The following FAM24B variants were observed in gnomAD, a reference collection of about 807,000 sequenced individuals.
FAM24B encodes family with sequence similarity 24 member B, also known as protein FAM24B.
In FAM24B, 3 loss-of-function variants were observed where a neutral mutation model predicts 2.3. That is an observed-to-expected ratio of 1.29 (90% CI 0.59 to 3.32). FAM24B has a LOEUF of 3.32. FAM24B is among the 30% of genes most tolerant of loss of function. The probability of loss-of-function intolerance (pLI) is 0.03; values close to 1 mark genes in which losing one functional copy is unlikely to be tolerated. For missense variants in FAM24B, 98 were observed against 117.2 expected (o/e 0.84, Z 0.76); for synonymous variants, 36 against 46.3 (o/e 0.78, Z 0.90).
At position 122,849,514 on chromosome 10, in the gene FAM24B, T is replaced by C. The variant is rs560862777; in HGVS notation, c.93-75A>G. On this transcript the variant is annotated intron_variant, in intron 3 of 3. Transcript: ENST00000368898. ...CCCTTTTGTTAGAACTGTTGGGGGG[T>C]ATCTGGGGAGTTTAGTGCTGAAGCC... 19 of 1,381,844 alleles carry C rather than the reference T, an allele frequency of 1.4e-5. No homozygotes were observed. The East Asian group carries it at 3.4e-4, about 25-fold the overall frequency. The allele number at this position is 1,381,844 out of a possible 1,614,324, so 85.6% of individuals were successfully genotyped here.
chr10:122,854,484 T>C (rs1847602308), intron 2 of FAM24B, among the ~76,000 whole-genome samples: 4 of 152,222 alleles, frequency 2.6e-5, no homozygotes, highest in Admixed American at 2.6e-4. Context: ...AATGATGTGT[T>C]GTTCCCCATT....
At chr10:122,870,506 T>A (rs1589676469) in intron 1 of FAM24B, among the ~76,000 whole-genome samples, 1 of 152,146 alleles carries the variant, frequency 6.6e-6, no homozygotes, top group East Asian at 1.9e-4. Context: ...TAGACCAATA[T>A]CCTTGATGAA....
At chr10:122,853,349 C>G (rs1245212642) in intron 2 of FAM24B, among the ~76,000 whole-genome samples, 1 of 152,140 alleles carries the variant, frequency 6.6e-6, no homozygotes, top group Non-Finnish European at 1.5e-5. Flanking sequence ...CATATCTCAA[C>G]ATAACATCTT....
chr10:122,870,945 G>A (rs1029622941), intron 1 of FAM24B, among the ~76,000 whole-genome samples: 2 of 152,116 alleles, frequency 1.3e-5, no homozygotes, highest in African/African-American at 4.8e-5. Context: ...GGGCAATCAG[G>A]CAGAAGAAGG....
intron 1 of FAM24B, among the ~76,000 whole-genome samples, chr10:122,856,788 C>T (rs932342525): frequency 6.6e-6 from 1 of 152,144 alleles, no homozygotes; most frequent in Non-Finnish European, 1.5e-5. Flanking sequence ...GAGATGTAGA[C>T]AGTGATTACA....
At chr10:122,865,254 G>C (rs1847785345) in intron 1 of FAM24B, among the ~76,000 whole-genome samples, 1 of 152,154 alleles carries the variant, frequency 6.6e-6, no homozygotes, top group African/African-American at 2.4e-5. Flanking sequence ...TAGGTTGTTT[G>C]TACATGTTCT....
chr10:122,865,996 G>C (rs576243857), intron 1 of FAM24B, among the ~76,000 whole-genome samples: 1 of 151,210 alleles, frequency 6.6e-6, no homozygotes, highest in African/African-American at 2.4e-5. Context: ...TCTGCCTCCC[G>C]GGTTCAAGCG....
chr10:122,863,712 C>T (rs1847759425), intron 1 of FAM24B, among the ~76,000 whole-genome samples: 2 of 152,220 alleles, frequency 1.3e-5, no homozygotes, highest in Admixed American at 6.5e-5. Context: ...AACTTCATTA[C>T]CATCCATAGG....
chr10:122,858,087 T>C (rs1847667360), intron 1 of FAM24B, among the ~76,000 whole-genome samples: 1 of 152,204 alleles, frequency 6.6e-6, no homozygotes, highest in South Asian at 2.1e-4. Flanking sequence ...CATGCTGCTA[T>C]AAAGACACAT....
chr10:122,866,064 C>T (rs946975284), intron 1 of FAM24B, among the ~76,000 whole-genome samples: 3 of 151,712 alleles, frequency 2.0e-5, no homozygotes, highest in East Asian at 3.9e-4. Flanking sequence ...CACCACACCT[C>T]GTTAGTTTTT....
intron 1 of FAM24B, among the ~76,000 whole-genome samples, chr10:122,874,323 T>C (rs1193621055): frequency 6.6e-6 from 1 of 152,248 alleles, no homozygotes; most frequent in Admixed American, 6.5e-5. Flanking sequence ...TTAAGGATTT[T>C]ATTTTGCCTT....
At chr10:122,878,456 C>T (rs1160787796) in intron 1 of FAM24B, among the ~76,000 whole-genome samples, 2 of 151,254 alleles carry the variant, frequency 1.3e-5, no homozygotes, top group Non-Finnish European at 2.9e-5. Context: ...TCGCTTGAAC[C>T]CAAGAGGCGG....
At chr10:122,855,908 T>C (rs1259154632) in intron 1 of FAM24B, 122 bp from the exon 2 acceptor site, 1 of 152,234 alleles carries the variant, frequency 6.6e-6, no homozygotes, top group Non-Finnish European at 1.5e-5. Context: ...GCTAACATGC[T>C]GAGTTAAACA....
intron 1 of FAM24B, among the ~76,000 whole-genome samples, chr10:122,862,152 C>CT (rs1398729939): frequency 4.6e-5 from 7 of 152,216 alleles, no homozygotes; most frequent in Non-Finnish European, 8.8e-5. Flanking sequence ...GTGCATTCCT[C>CT]TTTATGTCTT....
intron 1 of FAM24B, among the ~76,000 whole-genome samples, chr10:122,870,695 A>G (rs1004983302): frequency 7.2e-5 from 11 of 152,252 alleles, no homozygotes; most frequent in African/African-American, 2.7e-4. Flanking sequence ...CCACAAGATT[A>G]TCTCAATAGA....
chr10:122,852,162 A>G (rs2133824534), intron 2 of FAM24B, among the ~76,000 whole-genome samples: 1 of 152,378 alleles, frequency 6.6e-6, no homozygotes, highest in African/African-American at 2.4e-5. Context: ...AAAAAGCTGA[A>G]TAAAGTGGCT....
rs78946540 is a variant in FAM24B, at chr10:122,859,948, G to A, written c.-177-4162C>T. Among the ~76,000 whole-genome samples, 1,353 of 152,224 alleles carry A rather than the reference G, an allele frequency of 8.9e-3. 24 individuals are homozygous for A. Among genetic ancestry groups the A allele is most frequent in the African/African-American group, 0.031 (1,275 of 41,536 alleles). On this transcript the variant is annotated intron_variant, in intron 1 of 3. Coordinates refer to ENST00000368898, the MANE Select transcript of FAM24B (RefSeq NM_152644.3). The stretch of plus-strand genomic sequence containing the variant: ...GACAACTGTCTTGAATTCCTGGAGA[G>A]CAGTGGCACTGAGAGCCATCAGCTG...
At chr10:122,862,753 G>T (rs1454055599) in intron 1 of FAM24B, among the ~76,000 whole-genome samples, 1 of 151,908 alleles carries the variant, frequency 6.6e-6, no homozygotes, top group Non-Finnish European at 1.5e-5. Flanking sequence ...TGTTCCTTCT[G>T]CCTTATATTT....
intron 1 of FAM24B, among the ~76,000 whole-genome samples, chr10:122,875,920 A>G (rs539433389): frequency 6.6e-5 from 10 of 152,342 alleles, no homozygotes; most frequent in African/African-American, 2.2e-4. Flanking sequence ...GTGAGCATGC[A>G]TACAACTCCA....
Sources: gnomAD v4.1 joint callset for allele counts (sites outside exome capture counted in the v4.1 genomes callset) on GRCh38, gnomAD v4.1.1 for gene constraint, MANE v1.5 for transcripts, NCBI Gene and HGNC (gene_info 2026-07-23, HGNC 2026-07-21) for gene names.